IQSEC1: variants seen among roughly 807,000 people sequenced by gnomAD.
IQSEC1 encodes IQ motif and SEC7 domain-containing protein 1.
IQSEC1 carries 31 observed loss-of-function variants against 91.0 expected under a neutral mutation model. The ratio of observed to expected loss-of-function variants is 0.34; its 90% confidence interval spans 0.26 to 0.46. The LOEUF is 0.46. Among genes scored for constraint, IQSEC1 ranks in the 20% least tolerant of loss-of-function variants. IQSEC1 has a pLI of 1.00. For synonymous variants in IQSEC1, 699 were observed against 662.6 expected, an observed-to-expected ratio of 1.05 and a Z score of -0.84; for missense variants, 1,388 against 1,575.6, an observed-to-expected ratio of 0.88 and a Z score of 2.02.
Position 13,158,961 on chromosome 3 carries a change from C to CAA in IQSEC1, c.302+5141_302+5142dup, listed in dbSNP as rs35652080. 5.3e-3 allele frequency among the ~76,000 whole-genome samples: 748 copies of CAA among 140,862 alleles called. 8 individuals are homozygous for CAA. Among genetic ancestry groups the CAA allele is most frequent in the African/African-American group, 0.018 (695 of 38,606 alleles). 92.4% of individuals were successfully genotyped at this position (140,862 alleles called of 152,430 possible). A position where few individuals can be genotyped will look rare whatever the true frequency, so the allele number is the denominator to read the frequency against. On this transcript the variant is annotated intron_variant, in intron 2 of 15. Coordinates refer to the IQSEC1 transcript ENST00000648114. ...TGGGTGACAGAGTAGGACTCGGTCT[C>CAA]AAAAAAAAAAAAATTCTTCTAAGTG...
At chr3:12,955,986 C>T (rs569009038) in intron 1 of IQSEC1, among the ~76,000 whole-genome samples, 10 of 152,214 alleles carry the variant, frequency 6.6e-5, no homozygotes, top group East Asian at 1.9e-4. Context: ...AAAACTAGAA[C>T]GAATCACTAA....
At chr3:13,014,592 C>T (rs550655977) in intron 1 of IQSEC1, among the ~76,000 whole-genome samples, 5 of 152,310 alleles carry the variant, frequency 3.3e-5, no homozygotes, top group Admixed American at 2.6e-4. Context: ...TCTTGCCTGC[C>T]CCCAAGAGCC....
intron 1 of IQSEC1, among the ~76,000 whole-genome samples, chr3:13,037,164 G>A (rs1449380445): frequency 3.3e-5 from 5 of 152,174 alleles, no homozygotes; most frequent in Non-Finnish European, 7.3e-5. Flanking sequence ...AATATTGAGT[G>A]TAGAAAGAAT....
chr3:13,118,500 C>T (rs1167884249), intron 2 of IQSEC1, among the ~76,000 whole-genome samples: 1 of 152,050 alleles, frequency 6.6e-6, no homozygotes, highest in African/African-American at 2.4e-5. Context: ...GATTTCTGAC[C>T]CAGGCTACTA....
chr3:13,014,702 C>CT (rs1229621071), intron 1 of IQSEC1, among the ~76,000 whole-genome samples: 1 of 152,146 alleles, frequency 6.6e-6, no homozygotes, highest in Non-Finnish European at 1.5e-5. Context: ...TGTTGAACTC[C>CT]CTGATGACCC....
intron 3 of IQSEC1, among the ~76,000 whole-genome samples, chr3:12,933,308 G>C (rs1405910048): frequency 1.3e-5 from 2 of 152,218 alleles, no homozygotes; most frequent in South Asian, 2.1e-4. Context: ...TGTCACACTA[G>C]TGCTAGTTAT....
At chr3:13,073,528 A>C (rs145880949), upstream of IQSEC1, among the ~76,000 whole-genome samples, 1 of 151,860 alleles carries the variant, frequency 6.6e-6, no homozygotes, top group African/African-American at 2.4e-5. Context: ...GCTGGTCGCC[A>C]TGGCAACAGC....
At chr3:13,115,307 C>A (rs952375647) in intron 2 of IQSEC1, among the ~76,000 whole-genome samples, 3 of 152,150 alleles carry the variant, frequency 2.0e-5, no homozygotes, top group Non-Finnish European at 4.4e-5. Context: ...CACTCTGGGG[C>A]GTCCTGCCTG....
chr3:13,042,322 G>C (rs983015901), intron 1 of IQSEC1: 1 of 152,268 alleles, frequency 6.6e-6, no homozygotes, highest in Non-Finnish European at 1.5e-5. Flanking sequence ...GTAGGCACAG[G>C]AACTGCCAGT....
chr3:13,173,842 G>A (rs2125005048), intron 1 of IQSEC1, among the ~76,000 whole-genome samples: 1 of 152,326 alleles, frequency 6.6e-6, no homozygotes, highest in East Asian at 1.9e-4. Context: ...TGTTAGAAAT[G>A]CAAATTCTCT....
rs573653192 is a variant in IQSEC1 at position 13,219,517 on chromosome 3, G to A, written c.273-55384C>T. 2.6e-5 allele frequency among the ~76,000 whole-genome samples: 4 copies of A among 152,332 alleles called. No individual in the cohort carries two copies. In the South Asian group the frequency reaches 6.2e-4, roughly 24 times the overall value. On this transcript the variant is annotated intron_variant, in intron 1 of 15. Coordinates refer to the IQSEC1 transcript ENST00000648114. ...CGGCGGGAAGGCACATGAAGCAGAC[G>A]CACCTCGCAGAGCGCTGCCTCATTA...
chr3:12,949,459 G>A (rs544435739), intron 1 of IQSEC1, among the ~76,000 whole-genome samples: 2 of 152,354 alleles, frequency 1.3e-5, no homozygotes, highest in East Asian at 3.9e-4. Context: ...GTCTGCACAG[G>A]CCAGAGCAAA....
chr3:13,145,813 G>T (rs976722991), intron 2 of IQSEC1, among the ~76,000 whole-genome samples: 2 of 132,822 alleles, frequency 1.5e-5, no homozygotes, highest in South Asian at 3.1e-4. Flanking sequence ...GCGGGGGGGG[G>T]GGGTCCTGAT....
At chr3:13,112,129 A>G (rs992262385) in intron 2 of IQSEC1, among the ~76,000 whole-genome samples, 3 of 152,140 alleles carry the variant, frequency 2.0e-5, no homozygotes, top group Middle Eastern at 3.2e-3. Context: ...AGGCACCTGA[A>G]CTGTCACCTC....
chr3:13,152,895 A>T (rs1559265161), intron 2 of IQSEC1, among the ~76,000 whole-genome samples: 1 of 151,942 alleles, frequency 6.6e-6, no homozygotes, highest in Non-Finnish European at 1.5e-5. Flanking sequence ...AAAAACAACC[A>T]AATGAAAAAA....
chr3:13,117,757 CACCTG>C, intron 2 of IQSEC1, among the ~76,000 whole-genome samples: 1 of 150,520 alleles, frequency 6.6e-6, no homozygotes, highest in East Asian at 2.0e-4. Context: ...TGGTAGAGTG[CACCTG>C]TAGTCCCAGG....
At chr3:13,277,948 GA>G (rs1695721470) in intron 1 of IQSEC1, among the ~76,000 whole-genome samples, 1 of 152,106 alleles carries the variant, frequency 6.6e-6, no homozygotes, top group African/African-American at 2.4e-5. Flanking sequence ...CTCCCGGCAG[GA>G]CCCTCCTGAG....
chr3:13,270,954 A>T (rs1695581348), intron 1 of IQSEC1, among the ~76,000 whole-genome samples: 1 of 152,258 alleles, frequency 6.6e-6, no homozygotes, highest in Non-Finnish European at 1.5e-5. Context: ...AAAAAGATAT[A>T]CAAATGGTAA....
At chr3:13,017,725 A>G (rs1039905160) in intron 1 of IQSEC1, among the ~76,000 whole-genome samples, 1 of 152,134 alleles carries the variant, frequency 6.6e-6, no homozygotes, top group Non-Finnish European at 1.5e-5. Context: ...AGTCACTAGC[A>G]GAGATGGGAA....
Sources: gnomAD v4.1 joint callset for allele counts (sites outside exome capture counted in the v4.1 genomes callset) on GRCh38, gnomAD v4.1.1 for gene constraint, MANE v1.5 for transcripts, NCBI Gene and HGNC (gene_info 2026-07-23, HGNC 2026-07-21) for gene names.